Variants in GLCE observed in about 807,000 individuals in gnomAD.
GLCE encodes glucuronic acid epimerase.
GLCE carries 19 observed loss-of-function variants against 47.9 expected under a neutral mutation model. The ratio of observed to expected loss-of-function variants is 0.40; its 90% CI spans 0.28 to 0.58. The LOEUF is 0.58. Among genes scored for constraint, GLCE ranks in the 20% least tolerant of loss-of-function variants. The pLI is 0.48. For synonymous variants in GLCE, 245 were observed against 263.4 expected (o/e 0.93, Z 0.68); for missense variants, 556 against 743.3 (o/e 0.75, Z 2.93).
intron 1 of GLCE, among the ~76,000 whole-genome samples, chr15:69,191,849 C>T (rs546254538): frequency 6.6e-6 from 1 of 152,222 alleles, no homozygotes; most frequent in African/African-American, 2.4e-5. Context: ...TACCTTTTTC[C>T]TGCATACTAG....
intron 1 of GLCE, among the ~76,000 whole-genome samples, chr15:69,200,118 T>TG (rs1270056565): frequency 1.3e-5 from 2 of 152,134 alleles, no homozygotes; most frequent in Non-Finnish European, 2.9e-5. Flanking sequence ...ATCATGAAAT[T>TG]GGAGAACAAT....
intron 1 of GLCE, among the ~76,000 whole-genome samples, chr15:69,207,684 TA>T (rs2052171309): frequency 6.6e-6 from 1 of 152,118 alleles, no homozygotes; most frequent in African/African-American, 2.4e-5. Flanking sequence ...TTTTGGTGAT[TA>T]TGAATAAAGC....
At chr15:69,178,701 T>C (rs574635007) in intron 1 of GLCE, among the ~76,000 whole-genome samples, 5 of 152,168 alleles carry the variant, frequency 3.3e-5, no homozygotes, top group Non-Finnish European at 7.4e-5. Context: ...ATCACTGTTA[T>C]ATACTGTAGG....
At chr15:69,252,658 G>A (rs578068096) in intron 2 of GLCE, among the ~76,000 whole-genome samples, 3 of 152,184 alleles carry the variant, frequency 2.0e-5, no homozygotes, top group Admixed American at 1.3e-4. Context: ...TGGAGGAAGG[G>A]CACTTCTCAA....
intron 1 of GLCE, among the ~76,000 whole-genome samples, chr15:69,204,515 C>A (rs1470208557): frequency 6.6e-6 from 1 of 151,990 alleles, no homozygotes; most frequent in East Asian, 1.9e-4. Context: ...AAACTCCTGA[C>A]CTCAGGTGAT....
intron 2 of GLCE, among the ~76,000 whole-genome samples, chr15:69,247,715 G>GTTATTAGAA (rs2052772732): frequency 6.6e-6 from 1 of 152,140 alleles, no homozygotes; most frequent in Admixed American, 6.5e-5. Context: ...TCATTGTAGA[G>GTTATTAGAA]TTATTAATTG....
intron 1 of GLCE, among the ~76,000 whole-genome samples, chr15:69,200,019 A>G (rs999291856): frequency 4.6e-5 from 7 of 152,224 alleles, no homozygotes; most frequent in Non-Finnish European, 7.4e-5. Context: ...TTGAGAAATA[A>G]TTAAGATATA....
intron 1 of GLCE, chr15:69,197,172 C>T (rs1357772346): frequency 1.5e-5 from 6 of 412,372 alleles, no homozygotes; most frequent in African/African-American, 2.0e-5. Flanking sequence ...CAATGCGTCG[C>T]ACAACCAACG....
At chr15:69,173,572 C>G (rs1004052187) in intron 1 of GLCE, among the ~76,000 whole-genome samples, 15 of 152,244 alleles carry the variant, frequency 9.9e-5, no homozygotes, top group African/African-American at 3.1e-4. Context: ...GGGTCTTGCT[C>G]TGTTGCCCAG....
At chr15:69,245,446 G>A (rs2052733740) in intron 2 of GLCE, among the ~76,000 whole-genome samples, 1 of 152,096 alleles carries the variant, frequency 6.6e-6, no homozygotes, top group Admixed American at 6.6e-5. Flanking sequence ...ACTGGTGGAG[G>A]GTCTTCCCTT....
chr15:69,258,296 C>T (rs996596492), intron 3 of GLCE, among the ~76,000 whole-genome samples: 1 of 147,690 alleles, frequency 6.8e-6, no homozygotes, highest in African/African-American at 2.4e-5. Context: ...TGGCCCCTCG[C>T]TCCATCCATA....
intron 1 of GLCE, among the ~76,000 whole-genome samples, chr15:69,209,174 T>C (rs1476085119): frequency 6.6e-6 from 1 of 152,090 alleles, no homozygotes; most frequent in Non-Finnish European, 1.5e-5. Context: ...GTTTCAAGAA[T>C]GTTTGCACTT....
chr15:69,170,967 G>A (rs1841565566), intron 1 of GLCE, among the ~76,000 whole-genome samples: 1 of 152,170 alleles, frequency 6.6e-6, no homozygotes, highest in Admixed American at 6.6e-5. Flanking sequence ...AAAACATTTA[G>A]GGGAAAGATA....
In GLCE at chr15:69,219,940, A is replaced by G. The variant is rs373979585; in HGVS notation, c.-14+9534A>G. 7.2e-5 allele frequency among the ~76,000 whole-genome samples: 11 copies of G among 152,182 alleles called. No individual in the cohort carries two copies. In the East Asian group the frequency reaches 1.4e-3, roughly 19 times the overall value. ...TCTACTGTGTGTCTTTATGATTTTG[A>G]ATAAGTACCTCATACAAATGGAATT... On this transcript the variant is annotated intron_variant, in intron 2 of 4. Transcript: ENST00000261858.
At chr15:69,198,254 C>T (rs2052026091) in intron 1 of GLCE, among the ~76,000 whole-genome samples, 1 of 152,166 alleles carries the variant, frequency 6.6e-6, no homozygotes, top group African/African-American at 2.4e-5. Context: ...TATTACTCAA[C>T]TATTGGTTCT....
intron 1 of GLCE, among the ~76,000 whole-genome samples, chr15:69,205,168 A>C: frequency 6.7e-6 from 1 of 148,674 alleles, no homozygotes; most frequent in Non-Finnish European, 1.5e-5. Flanking sequence ...GCTCCCCCCC[A>C]CCCCTCAATA....
rs2053151791 is a variant in GLCE, at chr15:69,270,532, A to G, written c.*1288A>G. 6.6e-6 allele frequency: 1 copy of G among 152,212 alleles called. No homozygotes were observed. Among genetic ancestry groups the G allele is most frequent in the South Asian group, 2.1e-4 (1 of 4,828 alleles). The allele number at this position is 152,212 out of a possible 1,614,324, so 9.4% of individuals were successfully genotyped here. A position where few individuals can be genotyped will look rare whatever the true frequency, so the allele number is the denominator to read the frequency against. On this transcript the variant is annotated 3_prime_UTR_variant, in exon 5 of 5. Transcript: ENST00000261858. ...GTTGATTTTGCTGTGACAGTACACT[A>G]AATCAATACTATATCTTATACAGTT...
chr15:69,176,847 A>C (rs929334708), intron 1 of GLCE, among the ~76,000 whole-genome samples: 1 of 152,168 alleles, frequency 6.6e-6, no homozygotes, highest in South Asian at 2.1e-4. Context: ...GTAGTTTCTC[A>C]ATCTCTGCAT....
intron 3 of GLCE, 111 bp downstream of exon 3, chr15:69,256,503 A>C: frequency 1.3e-6 from 1 of 769,060 alleles, no homozygotes; most frequent in South Asian, 1.7e-5. Context: ...AAGACCTTTC[A>C]TCACTCTAAT....
Sources: allele counts gnomAD v4.1 joint callset (sites outside exome capture counted in the v4.1 genomes callset), GRCh38; gene constraint gnomAD v4.1.1; transcripts MANE v1.5; gene names NCBI Gene and HGNC (gene_info 2026-07-23, HGNC 2026-07-21).